The following WRN variants were observed in gnomAD, a reference collection of about 807,000 sequenced individuals.
WRN encodes the protein WRN RecQ like helicase.
WRN carries 149 observed loss-of-function variants against 180.7 expected under a neutral mutation model. The ratio of observed to expected loss-of-function variants is 0.82; its 90% CI spans 0.72 to 0.94. The LOEUF is 0.94. Among genes scored for constraint, WRN ranks in the 40% least tolerant of loss-of-function variants. The pLI is 0.00. For synonymous variants in WRN, 548 were observed against 568.9 expected (o/e 0.96, Z 0.52); for missense variants, 1,661 against 1,700.1 (o/e 0.98, Z 0.40).
At chr8:31,080,524 GTT>G (rs760769903) in intron 8 of WRN, among the ~76,000 whole-genome samples, 1 of 130,820 alleles carries the variant, frequency 7.6e-6, no homozygotes, top group African/African-American at 2.8e-5. Flanking sequence ...ATGAAATAGG[GTT>G]TTTTTTTTTT....
At chr8:31,085,574 A>G (rs1427074964) in intron 11 of WRN, among the ~76,000 whole-genome samples, 2 of 151,258 alleles carry the variant, frequency 1.3e-5, no homozygotes, top group Non-Finnish European at 1.5e-5. Flanking sequence ...GGCTGAAGTG[A>G]TTCTCCTGCA....
chr8:31,116,805 T>C (rs2130307534), intron 20 of WRN, among the ~76,000 whole-genome samples: 1 of 152,158 alleles, frequency 6.6e-6, no homozygotes, highest in South Asian at 2.1e-4. Flanking sequence ...AACATGTAAG[T>C]AGAAGTTTTT....
Position 31,170,937 on chromosome 8 carries a change from T to C in WRN, c.4192-2058T>C, listed in dbSNP as rs1804078016. ...TTTATAGAAATATAGAAGATAAGACTTGAAATGATATTCGCTACCAATTAA... is the reference window on the plus strand; with the variant it reads ...TTTATAGAAATATAGAAGATAAGACCTGAAATGATATTCGCTACCAATTAA... On this transcript the variant is annotated intron_variant, in intron 34 of 34. Transcript: ENST00000298139. 2.0e-5 allele frequency among the ~76,000 whole-genome samples: 3 copies of C among 152,214 alleles called. No individual in the cohort carries two copies. In the South Asian group the frequency reaches 6.2e-4, roughly 31 times the overall value.
chr8:31,124,280 C>T (rs548144770), intron 21 of WRN, among the ~76,000 whole-genome samples: 1 of 151,744 alleles, frequency 6.6e-6, no homozygotes, highest in Non-Finnish European at 1.5e-5. Context: ...TACTTGGACA[C>T]AGGAAGAATT....
chr8:31,097,305 T>C (rs756934842), intron 17 of WRN, among the ~76,000 whole-genome samples: 1 of 152,124 alleles, frequency 6.6e-6, no homozygotes, highest in Non-Finnish European at 1.5e-5. Context: ...AGAATCACTT[T>C]TCAAACTTTA....
intron 1 of WRN, among the ~76,000 whole-genome samples, chr8:31,038,581 G>GT (rs1236188130): frequency 4.0e-5 from 6 of 151,898 alleles, no homozygotes; most frequent in Non-Finnish European, 7.4e-5. Flanking sequence ...CAGTTTATCT[G>GT]TTTTTTCTTT....
chr8:31,044,820 C>T (rs1811798533), intron 1 of WRN, among the ~76,000 whole-genome samples: 1 of 152,108 alleles, frequency 6.6e-6, no homozygotes, highest in African/African-American at 2.4e-5. Context: ...GTTTATTTAC[C>T]TATTAATTTA....
intron 18 of WRN, 109 bp from the exon 19 acceptor site, chr8:31,111,506 C>A: frequency 7.4e-7 from 1 of 1,352,618 alleles, no homozygotes; most frequent in South Asian, 1.2e-5. Context: ...GTGTCTTTAA[C>A]ATTGTACCAC....
At position 31,100,859 on chromosome 8, in the gene WRN, C is replaced by T. The variant is rs794727200; in HGVS notation, c.1992C>T (p.Leu664=). 1.3e-5 allele frequency: 21 copies of T among 1,613,634 alleles called. No homozygotes were observed. The Middle Eastern group carries it at 1.3e-3, about 102-fold the overall frequency. The change falls in exon 18 of 35, where the codon CTC becomes CTT. Residue 664 remains leucine (L), a synonymous_variant. Transcript: ENST00000298139. The part of the protein sequence containing the change: ...QQLEADIGIT[L]IAVDEAHCIS... Reference sequence around the variant, plus strand: ...TTTCTTTTTTTACAGGTATCACGCTCATTGCTGTGGATGAGGCTCACTGTA... The same window carrying T: ...TTTCTTTTTTTACAGGTATCACGCTTATTGCTGTGGATGAGGCTCACTGTA...
chr8:31,097,533 G>A (rs11574266), intron 17 of WRN, among the ~76,000 whole-genome samples: 6,673 of 152,216 alleles, frequency 0.044, 181 homozygotes, highest in South Asian at 0.08. Context: ...TGTAAATATA[G>A]AATTAGTCAA....
rs1371411221 is a variant in WRN, at chr8:31,114,927, G to A, written c.2274-1427G>A. ...TTTTTTTTTTTTGACATGGAGTCTT[G>A]CTCTGTCGCCCAGGCTGTAATGCAG... On this transcript the variant is annotated intron_variant, in intron 19 of 34. Coordinates refer to ENST00000298139, the MANE Select transcript of WRN (RefSeq NM_000553.6). 3.3e-5 allele frequency among the ~76,000 whole-genome samples: 4 copies of A among 121,994 alleles called. No individual in the cohort carries two copies. The East Asian group carries it at 9.9e-4, about 30-fold the overall frequency. 80.0% of individuals were successfully genotyped at this position (121,994 alleles called of 152,430 possible). A position where few individuals can be genotyped will look rare whatever the true frequency, so the allele number is the denominator to read the frequency against.
rs1370866218 is a variant in WRN at position 31,033,915 on chromosome 8, G to C, written c.-135G>C. Reference sequence around the variant, plus strand: ...GATGCCTGGGTTGCAGGCCCTGCTTGTGGTGGCGCTCCACAGTCATCCGGC... The same window carrying C: ...GATGCCTGGGTTGCAGGCCCTGCTTCTGGTGGCGCTCCACAGTCATCCGGC... On this transcript the variant is annotated 5_prime_UTR_variant, in exon 1 of 35. Coordinates refer to ENST00000298139, the MANE Select transcript of WRN (RefSeq NM_000553.6). The C allele has an allele frequency of 6.6e-6, 1 of 152,404 alleles. No individual in the cohort carries two copies. The highest frequency in any genetic ancestry group is 1.5e-5 in the Non-Finnish European group (1 of 68,182). The allele number at this position is 152,404 out of a possible 1,614,324, so 9.4% of individuals were successfully genotyped here.
At position 31,173,038 on chromosome 8, in the gene WRN, C is replaced by T. The variant is rs1322072623; in HGVS notation, c.4235C>T (p.Ala1412Val). The T allele has an allele frequency of 6.2e-7, 1 of 1,613,796 alleles. No individual in the cohort carries two copies. The highest frequency in any genetic ancestry group is 1.7e-5 in the Admixed American group (1 of 59,994). ...ERKRRLPVWF[A>V]KGSDTSKKLM... ...AAGAGACGATTACCTGTGTGGTTTG[C>T]CAAAGGAAGTGATACCAGCAAGAAA... is the stretch of plus-strand genomic sequence containing the variant. The change falls in exon 35 of 35, where the codon GCC becomes GTC. Residue 1412 changes from alanine (A) to valine (V), a missense_variant. Ala to Val is a moderately conservative substitution (Grantham distance 64). Around this residue, in one of 3 missense-constraint regions of WRN, gnomAD observed 1,141 missense variants for 1,149.4 expected, o/e 0.99. Transcript: ENST00000298139.
chr8:31,090,651 T>C (rs1217690312), intron 14 of WRN, 119 bp downstream of exon 14: 7 of 1,162,484 alleles, frequency 6.0e-6, no homozygotes, highest in Non-Finnish European at 8.7e-6. Flanking sequence ...ATGTAAACTA[T>C]AGAAGAGAGT....
chr8:31,166,984 T>A (rs1563393294), intron 33 of WRN, 38 bp from the exon 34 acceptor site: 3 of 1,561,060 alleles, frequency 1.9e-6, no homozygotes, highest in Non-Finnish European at 2.6e-6. Flanking sequence ...ATATTCTCTG[T>A]AATTTATTTT....
chr8:31,122,770 C>A (rs1179377669), intron 21 of WRN, among the ~76,000 whole-genome samples: 1 of 150,090 alleles, frequency 6.7e-6, no homozygotes, highest in East Asian at 2.0e-4. Context: ...TTTGTCCTGA[C>A]ACTGACGAGA....
chr8:31,087,444 G>C (rs1478253127), intron 11 of WRN, among the ~76,000 whole-genome samples: 1 of 152,100 alleles, frequency 6.6e-6, no homozygotes, highest in Non-Finnish European at 1.5e-5. Flanking sequence ...TACTACTTGA[G>C]AATCGAAAAT....
intron 27 of WRN, among the ~76,000 whole-genome samples, chr8:31,143,024 GACACACACACAC>G (rs10529735): frequency 1.5e-5 from 2 of 136,526 alleles, no homozygotes; most frequent in African/African-American, 2.7e-5. Context: ...TCTTATTAAA[GACACACACACAC>G]ACACACACAC....
rs770517898 is a variant in WRN at position 31,080,887 on chromosome 8, A to G, written c.860A>G (p.Asp287Gly). 1 of 1,607,942 alleles carries G rather than the reference A, an allele frequency of 6.2e-7. No individual in the cohort carries two copies. The highest frequency in any genetic ancestry group is 2.2e-5 in the East Asian group (1 of 44,794). Residue 287 changes from aspartate (D) to glycine (G), a missense_variant, in exon 9 of 35, where the codon GAT (aspartate) becomes GGT (glycine). Physicochemically the swap from Asp to Gly is moderately conservative, Grantham distance 94 (BLOSUM62 -1). Coordinates refer to ENST00000298139, the MANE Select transcript of WRN (RefSeq NM_000553.6). ...NPRRVSILLK[D>G]ISENLYSLRR... Reference sequence around the variant, plus strand: ...TTTAGGGTTTCTATCTTACTAAAGGATATTTCAGAAAATCTATATTCACTG... The same window carrying G: ...TTTAGGGTTTCTATCTTACTAAAGGGTATTTCAGAAAATCTATATTCACTG...
Sources: gnomAD v4.1 joint callset for allele counts (sites outside exome capture counted in the v4.1 genomes callset) on GRCh38, gnomAD v4.1.1 for gene constraint, gnomAD v4.1.1 regional missense constraint, MANE v1.5 for transcripts, NCBI Gene and HGNC (gene_info 2026-07-23, HGNC 2026-07-21) for gene names.